BICRA: variants seen among roughly 807,000 people sequenced by gnomAD.
BICRA encodes BRD4 interacting chromatin remodeling complex associated protein.
In BICRA, 31 loss-of-function variants were observed where a neutral mutation model predicts 96.9. The ratio of observed to expected loss-of-function variants is 0.32; its 90% confidence interval spans 0.24 to 0.43. BICRA has a LOEUF of 0.43. BICRA is among the 20% of genes least tolerant of loss of function. The pLI, the probability that BICRA is intolerant of heterozygous loss-of-function variation, is 1.00. For missense variants in BICRA, 2,283 were observed against 2,190.3 expected (o/e 1.04, Z -0.84); for synonymous variants, 1,350 against 1,071.8 (o/e 1.26, Z -5.07).
chr19:47,666,807 T>G (rs1234853798), intron 1 of BICRA, among the ~76,000 whole-genome samples: 4 of 151,910 alleles, frequency 2.6e-5, no homozygotes, highest in Non-Finnish European at 4.4e-5. Flanking sequence ...CTCCTGAGTT[T>G]AAGCCATCCT....
In BICRA at chr19:47,694,448, C is replaced by T. The variant is rs1973296187; in HGVS notation, c.2617C>T (p.Leu873=). The change falls in exon 8 of 15, where the codon CTG becomes TTG. Residue 873 remains leucine (L), a synonymous_variant. Transcript: ENST00000594866. ...RPQSQPPEGP[L]PPAPHLPPSS... The stretch of plus-strand genomic sequence containing the variant: ...CCAGTCCCAGCCGCCTGAGGGACCG[C>T]TGCCCCCAGCCCCCCACCTCCCTCC... 2.8e-6 allele frequency: 3 copies of T among 1,086,000 alleles called. No homozygotes were observed. In the East Asian group the frequency reaches 7.4e-5, roughly 27 times the overall value. The allele number at this position is 1,086,000 out of a possible 1,614,324, so 67.3% of individuals were successfully genotyped here.
rs573969846 is a variant in BICRA, at chr19:47,684,033, C to G, written c.2283+1881C>G. On this transcript the variant is annotated intron_variant, in intron 7 of 14. Coordinates refer to ENST00000594866, the MANE Select transcript of BICRA (RefSeq NM_001394372.1). The stretch of plus-strand genomic sequence containing the variant: ...GAACGGCCATGGTTTCACTTGCACG[C>G]TCTCCCACTTACCATTTAACCTTCA... Among the ~76,000 whole-genome samples, 508 of 152,330 alleles carry G rather than the reference C, an allele frequency of 3.3e-3. 3 individuals are homozygous for G. Among genetic ancestry groups the G allele is most frequent in the Non-Finnish European group, 3.7e-3 (253 of 68,034 alleles).
intron 7 of BICRA, among the ~76,000 whole-genome samples, chr19:47,693,355 T>C (rs1036296552): frequency 7.2e-5 from 11 of 152,240 alleles, no homozygotes; most frequent in African/African-American, 2.7e-4. Context: ...GTCTGGTACG[T>C]CGTGCACACG....
chr19:47,628,556 C>T (rs1032484489), intron 1 of BICRA, among the ~76,000 whole-genome samples: 1 of 152,194 alleles, frequency 6.6e-6, no homozygotes, highest in Non-Finnish European at 1.5e-5. Context: ...TCATATAACA[C>T]GACGAAAGTC....
At chr19:47,659,584 AG>A (rs1170258484) in intron 1 of BICRA, among the ~76,000 whole-genome samples, 1 of 151,842 alleles carries the variant, frequency 6.6e-6, no homozygotes, top group African/African-American at 2.4e-5. Context: ...TGGGGCTCAT[AG>A]GTGTGAGCAG....
At chr19:47,611,379 G>C (rs1971904666) in intron 1 of BICRA, among the ~76,000 whole-genome samples, 1 of 152,138 alleles carries the variant, frequency 6.6e-6, no homozygotes, top group Non-Finnish European at 1.5e-5. Context: ...TTGTCTGCAG[G>C]AACTGAGAAC....
At position 47,680,750 on chromosome 19, in the gene BICRA, G is replaced by C; in HGVS notation, c.1580G>C (p.Gly527Ala). Reference sequence around the variant, plus strand: ...AACCTGGCGGGCCCACTGAGCCTGGGCCCCGTGTTGGCCCCCCACTCCGGG... The same window carrying C: ...AACCTGGCGGGCCCACTGAGCCTGGCCCCCGTGTTGGCCCCCCACTCCGGG... ...NQNLAGPLSL[G>A]PVLAPHSGAH... Residue 527 changes from glycine to alanine, a missense_variant, in exon 6 of 15, where the codon GGC becomes GCC. By Grantham distance (60) the Gly-to-Ala change is moderately conservative (BLOSUM62 0). Transcript: ENST00000594866. The C allele has an allele frequency of 6.2e-7, 1 of 1,608,732 alleles. No homozygotes were observed. The highest frequency in any genetic ancestry group is 8.5e-7 in the Non-Finnish European group (1 of 1,178,144).
intron 1 of BICRA, among the ~76,000 whole-genome samples, chr19:47,613,511 G>A (rs1046049101): frequency 2.0e-4 from 31 of 152,094 alleles, no homozygotes; most frequent in African/African-American, 7.0e-4. Flanking sequence ...TTTCTTCCCC[G>A]ACCAGGCACC....
In BICRA at chr19:47,671,187, G is replaced by C. The variant is rs916613057; in HGVS notation, c.-6+643G>C. On this transcript the variant is annotated intron_variant, in intron 2 of 14. Coordinates refer to ENST00000594866, the MANE Select transcript of BICRA (RefSeq NM_001394372.1). ...AATATGCCCCAGCCCACTGTGGGGG[G>C]TCCCTGGTCAGGGCTCTTCATAATG... Among the ~76,000 whole-genome samples, 3 of 152,228 alleles carry C rather than the reference G, an allele frequency of 2.0e-5. No individual in the cohort carries two copies. In the East Asian group the frequency reaches 5.8e-4, roughly 29 times the overall value.
At chr19:47,642,336 A>G (rs532824301) in intron 1 of BICRA, among the ~76,000 whole-genome samples, 1 of 152,286 alleles carries the variant, frequency 6.6e-6, no homozygotes, top group South Asian at 2.1e-4. Context: ...GACCTATGCT[A>G]TCATTTCTCT....
rs373076128 is a variant in BICRA at position 47,699,073 on chromosome 19, C to A, written c.3492+14C>A. On this transcript the variant is annotated intron_variant, in intron 13 of 14. Coordinates refer to ENST00000594866, the MANE Select transcript of BICRA (RefSeq NM_001394372.1). This position sits in a 1 kb window ranked among gnomAD's most constrained non-coding sequence, Gnocchi z 5.0. ...GAGGAGTCCCGGGTAGGGTCAGAGTCGCCTTCCTCGCCTCTGGGCTCCTCC... is the reference window on the plus strand; with the variant it reads ...GAGGAGTCCCGGGTAGGGTCAGAGTAGCCTTCCTCGCCTCTGGGCTCCTCC... The A allele has an allele frequency of 6.8e-7, 1 of 1,480,256 alleles. No homozygotes were observed. The highest frequency in any genetic ancestry group is 1.2e-5 in the South Asian group (1 of 82,884). The allele number at this position is 1,480,256 out of a possible 1,614,324, so 91.7% of individuals were successfully genotyped here.
chr19:47,695,626 G>A lies in BICRA; in HGVS notation c.3186+152G>A, dbSNP rs143834137. On this transcript the variant is annotated intron_variant, in intron 10 of 14. Transcript: ENST00000594866. ...TGAGACACCACGAACAGCCGTGCAG[G>A]GACAGGAAGGGCAGAATGACACCCA... 8.8e-3 allele frequency among the ~76,000 whole-genome samples: 1,334 copies of A among 152,242 alleles called. 9 individuals carry two copies. Among genetic ancestry groups the A allele is most frequent in the Middle Eastern group, 0.027 (8 of 294 alleles).
At position 47,701,560 on chromosome 19, in the gene BICRA, T is replaced by G. The variant is rs1973446421; in HGVS notation, c.3828T>G (p.Ser1276=). 1.3e-6 allele frequency: 2 copies of G among 1,551,282 alleles called. No homozygotes were observed. The highest frequency in any genetic ancestry group is 1.7e-6 in the Non-Finnish European group (2 of 1,148,260). Reference sequence around the variant, plus strand: ...TGTCCTCCTCTTCCTCCTCCTCCTCTGCCGCCTCCTCCTTGGACGCCGACG... The same window carrying G: ...TGTCCTCCTCTTCCTCCTCCTCCTCGGCCGCCTCCTCCTTGGACGCCGACG... ...SSLSSSSSSS[S]AASSLDADED... The change falls in exon 15 of 15, where the codon TCT becomes TCG. Residue 1276 remains serine (S), a synonymous_variant. Coordinates refer to ENST00000594866, the MANE Select transcript of BICRA (RefSeq NM_001394372.1). The surrounding 1 kb of genome is among the most constrained non-coding windows in gnomAD (Gnocchi z 5.4).
intron 1 of BICRA, among the ~76,000 whole-genome samples, chr19:47,649,577 G>A (rs1972512732): frequency 6.6e-6 from 1 of 152,164 alleles, no homozygotes; most frequent in Non-Finnish European, 1.5e-5. Flanking sequence ...TTATCTCTGA[G>A]GTTAGGGAAT....
chr19:47,684,182 T>G (rs1035773538), intron 7 of BICRA, among the ~76,000 whole-genome samples: 1 of 152,138 alleles, frequency 6.6e-6, no homozygotes, highest in Non-Finnish European at 1.5e-5. Flanking sequence ...CTTTTATTAT[T>G]ATTACTATTA....
At chr19:47,664,357 C>T (rs530849329) in intron 1 of BICRA, among the ~76,000 whole-genome samples, 59 of 152,284 alleles carry the variant, frequency 3.9e-4, no homozygotes, top group Admixed American at 3.9e-3. Flanking sequence ...TCTGGAAGGA[C>T]ACTGTGTCAT....
chr19:47,655,934 C>T (rs917335621), intron 1 of BICRA, among the ~76,000 whole-genome samples: 1 of 150,956 alleles, frequency 6.6e-6, no homozygotes, highest in Admixed American at 6.6e-5. Context: ...TTTCTAAGCT[C>T]AAGAAAGCTA....
chr19:47,674,039 A>G (rs1034710528), intron 4 of BICRA, among the ~76,000 whole-genome samples: 1 of 152,242 alleles, frequency 6.6e-6, no homozygotes, highest in Non-Finnish European at 1.5e-5. Context: ...TCATTTGCAC[A>G]ATGAAAGAGG....
chr19:47,680,559 G>C lies in BICRA; in HGVS notation c.1389G>C (p.Gln463His), dbSNP rs1282572844. ...NQGSSIVIPA[Q>H]HMLPGQNQFL... ...GCAGCAGCATCGTCATCCCCGCCCA[G>C]CACATGCTGCCGGGCCAGAACCAGT... The change falls in exon 6 of 15, where the codon CAG becomes CAC. Residue 463 changes from glutamine to histidine, a missense_variant. Coordinates refer to ENST00000594866, the MANE Select transcript of BICRA (RefSeq NM_001394372.1). 6.3e-7 allele frequency: 1 copy of C among 1,593,058 alleles called. No homozygotes were observed. Among genetic ancestry groups the C allele is most frequent in the African/African-American group, 1.3e-5 (1 of 74,304 alleles).
Sources: allele counts gnomAD v4.1 joint callset (sites outside exome capture counted in the v4.1 genomes callset), GRCh38; gene constraint gnomAD v4.1.1; non-coding constraint Gnocchi (gnomAD v3.1); transcripts MANE v1.5; gene names NCBI Gene and HGNC (gene_info 2026-07-23, HGNC 2026-07-21).